Variants in RRM2 observed in about 807,000 individuals in gnomAD.
RRM2 encodes the protein ribonucleoside-diphosphate reductase subunit M2.
Under a neutral mutation model 45.9 loss-of-function variants are expected in RRM2, and 6 were observed. That is an observed-to-expected ratio of 0.13 (90% CI 0.07 to 0.26). The LOEUF is 0.26. Ranked by LOEUF, RRM2 falls within the 10% of genes least tolerant of loss-of-function variation. RRM2 has a pLI of 1.00. For synonymous variants in RRM2, 177 were observed against 173.0 expected (o/e 1.02, Z -0.18); for missense variants, 343 against 489.5 (o/e 0.70, Z 2.82).
intron 3 of RRM2, among the ~76,000 whole-genome samples, chr2:10,161,835 G>T (rs543208106): frequency 1.1e-4 from 16 of 152,312 alleles, no homozygotes; most frequent in Admixed American, 8.5e-4. Flanking sequence ...CATCCCTAAC[G>T]TCACACAGCT....
downstream of RRM2, among the ~76,000 whole-genome samples, chr2:10,134,646 C>A (rs551426908): frequency 6.6e-6 from 1 of 152,126 alleles, no homozygotes; most frequent in African/African-American, 2.4e-5. Context: ...GGAAAAAACA[C>A]GGTATGGTGA....
chr2:10,161,980 G>A (rs549544914), intron 3 of RRM2, among the ~76,000 whole-genome samples: 74 of 152,344 alleles, frequency 4.9e-4, no homozygotes, highest in African/African-American at 1.7e-3. Flanking sequence ...CCACTAGGGC[G>A]AGGACAGAGC....
At chr2:10,181,828 G>A (rs1022864323) in intron 3 of RRM2, among the ~76,000 whole-genome samples, 12 of 134,130 alleles carry the variant, frequency 8.9e-5, no homozygotes, top group Admixed American at 8.7e-4. Context: ...GCAGTGTTGC[G>A]ATCATGGCTC....
rs569431760 is a variant in RRM2 at position 10,172,359 on chromosome 2, G to C, written n.482+29984G>C. 1.8e-4 allele frequency among the ~76,000 whole-genome samples: 27 copies of C among 152,132 alleles called. No individual in the cohort carries two copies. The highest frequency in any genetic ancestry group is 3.4e-4 in the Non-Finnish European group (23 of 68,022). The stretch of plus-strand genomic sequence containing the variant: ...TGCTGCCTCCATCTGACCCTGCTCC[G>C]GAGGGACCAGGGGAGGGGCGGACGG... On this transcript the variant is annotated intron_variant and non_coding_transcript_variant, in intron 3 of 3. Coordinates refer to the RRM2 transcript ENST00000381786. This position sits in a 1 kb window ranked among gnomAD's most constrained non-coding sequence, Gnocchi z 4.9.
chr2:10,148,494 A>G (rs1663241048), intron 3 of RRM2, among the ~76,000 whole-genome samples: 1 of 152,230 alleles, frequency 6.6e-6, no homozygotes, highest in African/African-American at 2.4e-5. Flanking sequence ...CTTAGGCCAC[A>G]CTTTCTTTCC....
At chr2:10,194,985 G>C (rs1464916993) in intron 3 of RRM2, among the ~76,000 whole-genome samples, 1 of 152,200 alleles carries the variant, frequency 6.6e-6, no homozygotes, top group Non-Finnish European at 1.5e-5. Context: ...CTGTGCTACT[G>C]TGTGTGGGTT....
intron 3 of RRM2, among the ~76,000 whole-genome samples, chr2:10,142,537 T>C (rs556426822): frequency 5.7e-5 from 2 of 35,230 alleles, no homozygotes; most frequent in Admixed American, 3.5e-4. Context: ...GTTCTACGTG[T>C]GGCCAGGCGG....
At chr2:10,148,730 T>G (rs1663244299) in intron 3 of RRM2, among the ~76,000 whole-genome samples, 1 of 152,220 alleles carries the variant, frequency 6.6e-6, no homozygotes, top group Non-Finnish European at 1.5e-5. Context: ...CCCCAAGACA[T>G]GGTGTGCCCT....
chr2:10,166,899 G>C (rs562899612), intron 3 of RRM2, among the ~76,000 whole-genome samples: 3 of 152,198 alleles, frequency 2.0e-5, no homozygotes, highest in African/African-American at 7.2e-5. Context: ...GGTTGGGAGC[G>C]TGGCAATGGG....
chr2:10,136,378 G>C (rs1662990285), downstream of RRM2, among the ~76,000 whole-genome samples: 1 of 152,200 alleles, frequency 6.6e-6, no homozygotes, highest in Non-Finnish European at 1.5e-5. Context: ...TGTGCAGGGT[G>C]CTGTCCTTCC....
At chr2:10,182,970 G>C (rs1664091809) in intron 3 of RRM2, among the ~76,000 whole-genome samples, 1 of 152,168 alleles carries the variant, frequency 6.6e-6, no homozygotes, top group African/African-American at 2.4e-5. Context: ...TTGAGCCCAG[G>C]AGTTGGAGAC....
intron 3 of RRM2, among the ~76,000 whole-genome samples, chr2:10,197,400 G>A (rs1300251746): frequency 1.3e-5 from 2 of 152,226 alleles, no homozygotes; most frequent in African/African-American, 4.8e-5. Context: ...GGGACAGGGA[G>A]ACTCCTGGGC....
intron 3 of RRM2, among the ~76,000 whole-genome samples, chr2:10,186,920 C>G (rs922646342): frequency 1.3e-5 from 2 of 152,208 alleles, no homozygotes; most frequent in Non-Finnish European, 2.9e-5. Context: ...AGGCTGAGCG[C>G]TGAACCATCC....
chr2:10,138,723 A>G (rs1663031656), upstream of RRM2, among the ~76,000 whole-genome samples: 1 of 152,224 alleles, frequency 6.6e-6, no homozygotes, highest in Non-Finnish European at 1.5e-5. Context: ...AGGATTTGTA[A>G]TCCAGGCCCA....
chr2:10,151,262 T>C (rs1370976587), intron 3 of RRM2, among the ~76,000 whole-genome samples: 2 of 152,026 alleles, frequency 1.3e-5, no homozygotes, highest in African/African-American at 2.4e-5. Flanking sequence ...CTTTTGGCTA[T>C]GATGAATCAA....
chr2:10,208,880 A>G (rs1418003750), intron 3 of RRM2, among the ~76,000 whole-genome samples: 1 of 151,682 alleles, frequency 6.6e-6, no homozygotes, highest in Non-Finnish European at 1.5e-5. Context: ...CACCCATCCA[A>G]CAGATGCCCC....
intron 3 of RRM2, 34 bp downstream of exon 3, chr2:10,123,564 G>A: frequency 6.3e-7 from 1 of 1,586,966 alleles, no homozygotes; most frequent in Non-Finnish European, 8.6e-7. Context: ...CCCTGCAGGG[G>A]TGACCGTCAC....
chr2:10,201,397 G>A (rs1038609794), intron 3 of RRM2, among the ~76,000 whole-genome samples: 6 of 152,126 alleles, frequency 3.9e-5, no homozygotes, highest in African/African-American at 9.7e-5. Flanking sequence ...ACAATATTCC[G>A]AGCAAAACAT....
rs141926508 is a variant in RRM2 at position 10,127,112 on chromosome 2, A to G, written c.690A>G (p.Ala230=). ...TYGERVVAFA[A]VEGIFFSGSF... is the part of the protein sequence containing the mutation. Reference sequence around the variant, plus strand: ...GTGAACGTGTTGTAGCCTTTGCTGCAGTGGAAGGCATTTTCTTTTCCGGTT... The same window carrying G: ...GTGAACGTGTTGTAGCCTTTGCTGCGGTGGAAGGCATTTTCTTTTCCGGTT... The change falls in exon 7 of 10, where the codon GCA becomes GCG. Residue 230 remains alanine, a synonymous_variant. Coordinates refer to ENST00000304567, the MANE Select transcript of RRM2 (RefSeq NM_001034.4). The surrounding 1 kb of genome is among the most constrained non-coding windows in gnomAD (Gnocchi z 4.1). The G allele has an allele frequency of 7.9e-5, 127 of 1,614,244 alleles. No homozygotes were observed. The African/African-American group carries it at 1.4e-3, about 18-fold the overall frequency.
Sources: allele counts gnomAD v4.1 joint callset (sites outside exome capture counted in the v4.1 genomes callset), GRCh38; gene constraint gnomAD v4.1.1; non-coding constraint Gnocchi (gnomAD v3.1); transcripts MANE v1.5; gene names NCBI Gene and HGNC (gene_info 2026-07-23, HGNC 2026-07-21).